Variants in CFAP263 observed in about 807,000 individuals in gnomAD.
CFAP263 encodes the protein cilia and flagella associated protein 263.
the CFAP263 span, among the ~76,000 whole-genome samples, chr16:58,266,633 G>T: frequency 6.6e-6 from 1 of 151,580 alleles, no homozygotes; most frequent in African/African-American, 2.4e-5. Context: ...GGGTTTTCAG[G>T]GTTTGTTGAG....
the CFAP263 span, among the ~76,000 whole-genome samples, chr16:58,257,864 T>A: frequency 6.6e-6 from 1 of 152,068 alleles, no homozygotes; most frequent in African/African-American, 2.4e-5. Context: ...TCCCAGCACT[T>A]TGGGAGGCCG....
chr16:58,272,445 A>G, the CFAP263 span, among the ~76,000 whole-genome samples: 1 of 152,208 alleles, frequency 6.6e-6, no homozygotes, highest in Non-Finnish European at 1.5e-5. Context: ...GTACCCTATG[A>G]TGGTATACCT....
chr16:58,261,853 A>G, the CFAP263 span, among the ~76,000 whole-genome samples: 1 of 152,056 alleles, frequency 6.6e-6, no homozygotes, highest in Non-Finnish European at 1.5e-5. Context: ...CAGGGAGGGA[A>G]CCTTATACAC....
chr16:58,257,904 T>C, the CFAP263 span, among the ~76,000 whole-genome samples: 1 of 151,984 alleles, frequency 6.6e-6, no homozygotes, highest in Admixed American at 6.6e-5. Flanking sequence ...GGTCAGGAGT[T>C]CAAGACCAGC....
chr16:58,258,920 G>T, the CFAP263 span, among the ~76,000 whole-genome samples: 1 of 151,952 alleles, frequency 6.6e-6, no homozygotes, highest in Non-Finnish European at 1.5e-5. Context: ...GGAGATTGCG[G>T]TGAGCCAAGA....
the CFAP263 span, chr16:58,280,686 G>A: frequency 1.2e-5 from 19 of 1,614,158 alleles, no homozygotes; most frequent in Non-Finnish European, 1.6e-5. Context: ...CACCACCGAA[G>A]TTCAGGACTC....
the CFAP263 span, among the ~76,000 whole-genome samples, chr16:58,270,333 A>G: frequency 3.9e-5 from 6 of 152,216 alleles, no homozygotes; most frequent in African/African-American, 1.4e-4. Context: ...ATCATCGAAC[A>G]CAAAGTCTGT....
chr16:58,280,755 C>T, the CFAP263 span: 6 of 1,596,444 alleles, frequency 3.8e-6, no homozygotes, highest in Non-Finnish European at 4.3e-6. Flanking sequence ...TTCCTGGGTC[C>T]CCCTGTGATA....
the CFAP263 span, chr16:58,252,983 G>T: frequency 6.2e-5 from 57 of 917,306 alleles, no homozygotes; most frequent in African/African-American, 8.0e-4. Flanking sequence ...TTTTACTTTT[G>T]ATTTTTCTTT....
the CFAP263 span, among the ~76,000 whole-genome samples, chr16:58,259,501 A>C: frequency 9.8e-5 from 15 of 152,346 alleles, no homozygotes; most frequent in East Asian, 2.9e-3. Flanking sequence ...GGTTATTACT[A>C]ATCCTAATAT....
the CFAP263 span, among the ~76,000 whole-genome samples, chr16:58,254,462 C>A: frequency 6.6e-6 from 1 of 152,088 alleles, no homozygotes; most frequent in African/African-American, 2.4e-5. Context: ...TTTGGTTGAT[C>A]AACTTTCCCT....
the CFAP263 span, among the ~76,000 whole-genome samples, chr16:58,256,108 C>T: frequency 5.9e-5 from 9 of 152,188 alleles, no homozygotes; most frequent in African/African-American, 2.2e-4. Flanking sequence ...TGTGGGCATT[C>T]GCAGAATCAC....
the CFAP263 span, among the ~76,000 whole-genome samples, chr16:58,257,234 G>A: frequency 0.094 from 10,445 of 111,208 alleles, 1,250 homozygotes; most frequent in African/African-American, 0.21. Context: ...AGCCGGGATG[G>A]TCTCGATCTC....
the CFAP263 span, among the ~76,000 whole-genome samples, chr16:58,255,356 A>G: frequency 6.6e-6 from 1 of 152,166 alleles, no homozygotes; most frequent in African/African-American, 2.4e-5. Context: ...TCTGGCAGCC[A>G]ATTGGATGGT....
chr16:58,272,720 A>AG, the CFAP263 span, among the ~76,000 whole-genome samples: 2 of 149,414 alleles, frequency 1.3e-5, no homozygotes, highest in East Asian at 3.9e-4. Flanking sequence ...GGCCATTGGG[A>AG]GCTCTTTCAG....
At chr16:58,266,260 C>G in the CFAP263 span, among the ~76,000 whole-genome samples, 29 of 151,306 alleles carry the variant, frequency 1.9e-4, no homozygotes, top group African/African-American at 6.8e-4. Flanking sequence ...TGCTCTCTAC[C>G]CACTCTCCCA....
chr16:58,276,844 A>C, the CFAP263 span, among the ~76,000 whole-genome samples: 1 of 152,244 alleles, frequency 6.6e-6, no homozygotes. Context: ...TCATGTGTTG[A>C]TACACAAAGA....
chr16:58,277,138 AT>A, the CFAP263 span, among the ~76,000 whole-genome samples: 9 of 148,838 alleles, frequency 6.0e-5, no homozygotes, highest in South Asian at 2.1e-4. Context: ...TTTTTTTTAA[AT>A]TTTTTTTTTT....
chr16:58,252,971 T>A, the CFAP263 span: 1 of 995,594 alleles, frequency 1.0e-6, no homozygotes, highest in Non-Finnish European at 1.5e-6. Flanking sequence ...ACCTTCTCCC[T>A]GTTTTACTTT....
Sources: gnomAD v4.1 joint callset for allele counts (sites outside exome capture counted in the v4.1 genomes callset) on GRCh38, gnomAD v4.1.1 for gene constraint, MANE v1.5 for transcripts, NCBI Gene and HGNC (gene_info 2026-07-23, HGNC 2026-07-21) for gene names.